The following CTIF variants were observed in gnomAD, a reference collection of about 807,000 sequenced individuals.
CTIF encodes the protein cap binding complex dependent translation initiation factor.
CTIF carries 21 observed loss-of-function variants against 66.0 expected under a neutral mutation model. That is an observed-to-expected ratio of 0.32 (90% CI 0.23 to 0.46). The LOEUF is 0.46. Ranked by LOEUF, CTIF falls within the 20% of genes least tolerant of loss-of-function variation. The pLI is 1.00. For missense variants in CTIF, 739 were observed against 812.7 expected, an observed-to-expected ratio of 0.91 and a Z score of 1.10; for synonymous variants, 345 against 326.4, an observed-to-expected ratio of 1.06 and a Z score of -0.62.
chr18:48,784,399 G>A (rs561144960), intron 9 of CTIF, among the ~76,000 whole-genome samples: 94 of 152,366 alleles, frequency 6.2e-4, no homozygotes, highest in Middle Eastern at 3.4e-3. Flanking sequence ...GGTTGTTCCC[G>A]AGTATAGTGT....
chr18:48,793,448 C>T (rs1003424935), intron 9 of CTIF, among the ~76,000 whole-genome samples: 1 of 152,238 alleles, frequency 6.6e-6, no homozygotes, highest in Non-Finnish European at 1.5e-5. Context: ...CCTTTCCCCA[C>T]AGCCATTTAC....
At chr18:48,586,082 G>C (rs756713144) in intron 1 of CTIF, among the ~76,000 whole-genome samples, 6 of 152,074 alleles carry the variant, frequency 3.9e-5, no homozygotes, top group Non-Finnish European at 7.3e-5. Context: ...ACTTTTCCTA[G>C]AGACATATTT....
intron 3 of CTIF, among the ~76,000 whole-genome samples, chr18:48,654,406 G>A (rs144262622): frequency 5.5e-4 from 84 of 152,250 alleles, no homozygotes; most frequent in African/African-American, 1.8e-3. Context: ...GAGAAATGCA[G>A]ATCAAAACCA....
chr18:48,681,770 G>C lies in CTIF; in HGVS notation c.507+11026G>C, dbSNP rs138055149. Among the ~76,000 whole-genome samples, 504 of 150,610 alleles carry C rather than the reference G, an allele frequency of 3.3e-3. 3 individuals are homozygous for C. Among genetic ancestry groups the C allele is most frequent in the African/African-American group, 0.012 (474 of 40,946 alleles). On this transcript the variant is annotated intron_variant, in intron 6 of 11. Coordinates refer to ENST00000256413, the MANE Select transcript of CTIF (RefSeq NM_014772.3). ...CACCTGCCTGCCTGCCCCACACCTG[G>C]TTTTTGTTTGTTTGTTTGTTTGTTT...
At chr18:48,672,764 A>G (rs1041096887) in intron 6 of CTIF, among the ~76,000 whole-genome samples, 6 of 152,130 alleles carry the variant, frequency 3.9e-5, no homozygotes, top group African/African-American at 1.4e-4. Context: ...TGTCCCCAGC[A>G]TGTTCTCAAC....
intron 9 of CTIF, among the ~76,000 whole-genome samples, chr18:48,809,826 A>T (rs1191407606): frequency 6.6e-6 from 1 of 151,808 alleles, no homozygotes; most frequent in Non-Finnish European, 1.5e-5. Context: ...ATCAACATAG[A>T]GTTATAAATA....
chr18:48,853,397 C>T (rs931170430), intron 10 of CTIF, among the ~76,000 whole-genome samples: 1 of 151,952 alleles, frequency 6.6e-6, no homozygotes, highest in Non-Finnish European at 1.5e-5. Flanking sequence ...GAATTTCCAG[C>T]GACAAGTATG....
chr18:48,595,441 TAGAG>T (rs1000696736), intron 1 of CTIF, among the ~76,000 whole-genome samples: 2 of 152,138 alleles, frequency 1.3e-5, no homozygotes, highest in Non-Finnish European at 2.9e-5. Flanking sequence ...TAATTTTTTT[TAGAG>T]AGACAGGGTC....
chr18:48,647,646 TA>T (rs2091070024), intron 3 of CTIF, among the ~76,000 whole-genome samples: 1 of 152,258 alleles, frequency 6.6e-6, no homozygotes, highest in Admixed American at 6.5e-5. Flanking sequence ...AAGTAATTTG[TA>T]AAAAGTATTT....
intron 8 of CTIF, among the ~76,000 whole-genome samples, chr18:48,758,774 A>C (rs4939560): frequency 6.6e-6 from 1 of 151,996 alleles, no homozygotes; most frequent in Non-Finnish European, 1.5e-5. Flanking sequence ...GCTGAAGAGC[A>C]CTTGGGGAAA....
intron 7 of CTIF, among the ~76,000 whole-genome samples, chr18:48,733,469 G>C (rs1437685282): frequency 1.3e-5 from 2 of 152,150 alleles, no homozygotes; most frequent in South Asian, 2.1e-4. Context: ...GGTCAGGAGT[G>C]GGGTGCTCTC....
chr18:48,598,790 G>A lies in CTIF; in HGVS notation c.-28-20748G>A, dbSNP rs543957848. 9.5e-4 allele frequency among the ~76,000 whole-genome samples: 145 copies of A among 152,300 alleles called. 1 individual carries two copies. The highest frequency in any genetic ancestry group is 3.2e-3 in the African/African-American group (134 of 41,564). On this transcript the variant is annotated intron_variant, in intron 1 of 11. Coordinates refer to ENST00000256413, the MANE Select transcript of CTIF (RefSeq NM_014772.3). ...TTGAATGTAGTGAAGTATTCAGCAT[G>A]GGCCAAAAGTACTTTATGGGGACTA...
chr18:48,767,238 G>C (rs2145930391), intron 9 of CTIF, among the ~76,000 whole-genome samples: 1 of 152,340 alleles, frequency 6.6e-6, no homozygotes, highest in Non-Finnish European at 1.5e-5. Flanking sequence ...TCAGGGAATT[G>C]TGGTGTGATA....
intron 9 of CTIF, among the ~76,000 whole-genome samples, chr18:48,774,344 G>A (rs999371739): frequency 1.3e-5 from 2 of 152,118 alleles, no homozygotes; most frequent in Non-Finnish European, 2.9e-5. Context: ...GAAACCCAGA[G>A]CCTAGAATAA....
In CTIF at chr18:48,849,256, C is replaced by T. The variant is rs8084730; in HGVS notation, c.1528-8332C>T. On this transcript the variant is annotated intron_variant, in intron 10 of 11. Coordinates refer to ENST00000256413, the MANE Select transcript of CTIF (RefSeq NM_014772.3). ...TCTGTCGGTCAGGCAGGAGTGCAGT[C>T]GTGAGATCTCGGCTCACTGCAACCT... Among the ~76,000 whole-genome samples, 4 of 140,742 alleles carry T rather than the reference C, an allele frequency of 2.8e-5. No homozygotes were observed. The Admixed American group carries it at 3.0e-4, about 11-fold the overall frequency. The allele number at this position is 140,742 out of a possible 152,430, so 92.3% of individuals were successfully genotyped here.
chr18:48,803,697 T>A (rs751196218), intron 9 of CTIF, among the ~76,000 whole-genome samples: 4 of 152,196 alleles, frequency 2.6e-5, no homozygotes, highest in Non-Finnish European at 4.4e-5. Context: ...CCACAGTGAT[T>A]GGGCTGAGAG....
chr18:48,796,932 G>A (rs1418891695), intron 9 of CTIF, among the ~76,000 whole-genome samples: 6 of 152,108 alleles, frequency 3.9e-5, no homozygotes, highest in Admixed American at 3.9e-4. Flanking sequence ...ATAGAGCTCA[G>A]GTCTTTTTTC....
At chr18:48,586,711 T>A (rs2089777345) in intron 1 of CTIF, among the ~76,000 whole-genome samples, 1 of 152,260 alleles carries the variant, frequency 6.6e-6, no homozygotes, top group African/African-American at 2.4e-5. Context: ...CTCATTTTGC[T>A]ATTTTTGATG....
intron 9 of CTIF, among the ~76,000 whole-genome samples, chr18:48,776,797 C>T (rs1364842887): frequency 6.6e-6 from 1 of 152,258 alleles, no homozygotes; most frequent in African/African-American, 2.4e-5. Context: ...GCTCTGTCTG[C>T]AATCTGGCAG....
Sources: gnomAD v4.1 joint callset for allele counts (sites outside exome capture counted in the v4.1 genomes callset) on GRCh38, gnomAD v4.1.1 for gene constraint, MANE v1.5 for transcripts, NCBI Gene and HGNC (gene_info 2026-07-23, HGNC 2026-07-21) for gene names.